The following PLXNB2 variants were observed in gnomAD, a reference collection of about 807,000 sequenced individuals.
The protein encoded by PLXNB2 is plexin B2.
A neutral mutation model predicts 202.6 loss-of-function variants in PLXNB2; 85 were observed. That is an observed-to-expected ratio of 0.42 (90% CI 0.35 to 0.50). The LOEUF is 0.50. Ranked by LOEUF, PLXNB2 falls within the 20% of genes least tolerant of loss-of-function variation. The pLI, the probability that PLXNB2 is intolerant of heterozygous loss-of-function variation, is 0.02. For missense variants in PLXNB2, 2,063 were observed against 2,586.2 expected, an observed-to-expected ratio of 0.80 and a Z score of 4.39; for synonymous variants, 1,239 against 1,137.6, an observed-to-expected ratio of 1.09 and a Z score of -1.79.
In PLXNB2 at chr22:50,291,452, T is replaced by C. The variant is rs2066863006; in HGVS notation, c.-13-855A>G. On this transcript the variant is annotated intron_variant, in intron 2 of 36. Transcript: ENST00000359337. This position sits in a 1 kb window ranked among gnomAD's most constrained non-coding sequence, Gnocchi z 4.3. ...TCTCGGTGTGGGGTCTGTGCCTGGGTCCGGGTGGATGAGGGGGATGTGTGG... is the reference window on the plus strand; with the variant it reads ...TCTCGGTGTGGGGTCTGTGCCTGGGCCCGGGTGGATGAGGGGGATGTGTGG... 6.6e-6 allele frequency among the ~76,000 whole-genome samples: 1 copy of C among 151,542 alleles called. No individual in the cohort carries two copies. Among genetic ancestry groups the C allele is most frequent in the Admixed American group, 6.6e-5 (1 of 15,222 alleles).
chr22:50,278,056 C>T (rs1359395509), intron 31 of PLXNB2, 43 bp from the exon 32 acceptor site: 3 of 1,603,326 alleles, frequency 1.9e-6, no homozygotes, highest in Admixed American at 1.7e-5. Flanking sequence ...GGGCGCGGCT[C>T]CTGGGGGGGA....
In PLXNB2 at chr22:50,283,084, C is replaced by T. The variant is rs769779572; in HGVS notation, c.2782G>A (p.Val928Met). 50 of 1,609,058 alleles carry T rather than the reference C, an allele frequency of 3.1e-5. No homozygotes were observed. Among genetic ancestry groups the T allele is most frequent in the East Asian group, 1.1e-4 (5 of 44,704 alleles). Residue 928 changes from valine (V) to methionine (M), a missense_variant, in exon 17 of 37, where the codon GTG (valine) becomes ATG (methionine). Physicochemically the swap from Val to Met is conservative, Grantham distance 21. This residue lies in a region of PLXNB2 where 1,303 missense variants were observed against 1,476.8 expected (regional missense o/e 0.88). Coordinates refer to ENST00000359337, the MANE Select transcript of PLXNB2 (RefSeq NM_012401.4). ...GGGACGCCGTTGAGGGTCACCCGCA[C>T]GTCCTCCTGGGAGCCCGTGTCCAGG... ...THLDTGSQED[V>M]RVTLNGVPCK...
intron 2 of PLXNB2, among the ~76,000 whole-genome samples, chr22:50,293,756 C>T (rs1216461449): frequency 1.3e-5 from 2 of 152,242 alleles, no homozygotes; most frequent in Admixed American, 1.3e-4. Flanking sequence ...CAAGCCACCC[C>T]TCAGCCGTCC....
At position 50,284,651 on chromosome 22, in the gene PLXNB2, G is replaced by T; in HGVS notation, c.2103C>A (p.His701Gln). 6.2e-7 allele frequency: 1 copy of T among 1,612,456 alleles called. No individual in the cohort carries two copies. The highest frequency in any genetic ancestry group is 1.7e-5 in the Admixed American group (1 of 59,988). The change falls in exon 12 of 37, where the codon CAC (histidine) becomes CAA (glutamine). Residue 701 changes from histidine (H) to glutamine (Q), a missense_variant. His to Gln is a conservative substitution (Grantham distance 24, BLOSUM62 0). This residue lies in a region of PLXNB2 where 1,303 missense variants were observed against 1,476.8 expected (regional missense o/e 0.88). Coordinates refer to ENST00000359337, the MANE Select transcript of PLXNB2 (RefSeq NM_012401.4). This position sits in a 1 kb window ranked among gnomAD's most constrained non-coding sequence, Gnocchi z 8.0. ...TGAACTTGAGCAAGTCACTGCCCACGTGCAGGGAGGAACCCTGCAGACCAT... is the reference window on the plus strand; with the variant it reads ...TGAACTTGAGCAAGTCACTGCCCACTTGCAGGGAGGAACCCTGCAGACCAT... ...NLDTVKGSSL[H>Q]VGSDLLKFME...
At position 50,277,056 on chromosome 22, in the gene PLXNB2, T is replaced by C. The variant is rs1048982337; in HGVS notation, c.5197-150A>G. 173 of 633,496 alleles carry C rather than the reference T, an allele frequency of 2.7e-4. 1 individual carries two copies. The South Asian group carries it at 2.9e-3, about 11-fold the overall frequency. The allele number at this position is 633,496 out of a possible 1,614,324, so 39.2% of individuals were successfully genotyped here. On this transcript the variant is annotated intron_variant, in intron 33 of 36. Coordinates refer to ENST00000359337, the MANE Select transcript of PLXNB2 (RefSeq NM_012401.4). ...GCGCAGTGGCTCAGGCCTGTAATCC[T>C]AGCACTTTGGGAGGCTGAGGCAGGC...
At position 50,288,078 on chromosome 22, in the gene PLXNB2, G is replaced by C. The variant is rs1303531807; in HGVS notation, c.1381-41C>G. 5.5e-6 allele frequency: 8 copies of C among 1,452,256 alleles called. No homozygotes were observed. The South Asian group carries it at 9.8e-5, about 18-fold the overall frequency. The allele number at this position is 1,452,256 out of a possible 1,614,324, so 90.0% of individuals were successfully genotyped here. ...CGTGAGTGGGACCACAGCAGAGGCC[G>C]CACGGGCCTTCCGCAGACCCCAGAT... On this transcript the variant is annotated intron_variant, in intron 5 of 36. Coordinates refer to ENST00000359337, the MANE Select transcript of PLXNB2 (RefSeq NM_012401.4). The surrounding 1 kb of genome is among the most constrained non-coding windows in gnomAD (Gnocchi z 5.0).
Position 50,276,700 on chromosome 22 carries a change from A to C in PLXNB2, c.5266T>G (p.Tyr1756Asp). ...STYKKMVEDY[Y>D]KGIRQMVQVS... Reference sequence around the variant, plus strand: ...TGCACCATCTGCCGGATCCCCTTGTAGTAACTGCAGGGGTGGGAGCATCAT... The same window carrying C: ...TGCACCATCTGCCGGATCCCCTTGTCGTAACTGCAGGGGTGGGAGCATCAT... The change falls in exon 35 of 37, where the codon TAC (tyrosine) becomes GAC (aspartate). Residue 1756 changes from tyrosine (Y) to aspartate (D), a missense_variant. This residue lies in a region of PLXNB2 where 760 missense variants were observed against 1,109.4 expected (regional missense o/e 0.69). Coordinates refer to ENST00000359337, the MANE Select transcript of PLXNB2 (RefSeq NM_012401.4). The C allele has an allele frequency of 6.2e-7, 1 of 1,613,070 alleles. No individual in the cohort carries two copies. Among genetic ancestry groups the C allele is most frequent in the Non-Finnish European group, 8.5e-7 (1 of 1,179,362 alleles).
At chr22:50,281,828 G>C in intron 20 of PLXNB2, 26 bp downstream of exon 20, 4 of 1,599,984 alleles carry the variant, frequency 2.5e-6, no homozygotes, top group Non-Finnish European at 3.4e-6. Flanking sequence ...GCAGGACCCA[G>C]ACACCCGGGG....
At position 50,288,603 on chromosome 22, in the gene PLXNB2, C is replaced by T; in HGVS notation, c.1380+140G>A. On this transcript the variant is annotated intron_variant, in intron 5 of 36. Coordinates refer to ENST00000359337, the MANE Select transcript of PLXNB2 (RefSeq NM_012401.4). This position sits in a 1 kb window ranked among gnomAD's most constrained non-coding sequence, Gnocchi z 5.0. ...CACTGCCCGGGACCCACCCAGCCACCCCTCATCCAGACCAAGGAGAAGGGC... is the reference window on the plus strand; with the variant it reads ...CACTGCCCGGGACCCACCCAGCCACTCCTCATCCAGACCAAGGAGAAGGGC... The T allele has an allele frequency of 8.3e-7, 1 of 1,200,144 alleles. No individual in the cohort carries two copies. The highest frequency in any genetic ancestry group is 1.1e-6 in the Non-Finnish European group (1 of 871,432). The allele number at this position is 1,200,144 out of a possible 1,614,324, so 74.3% of individuals were successfully genotyped here.
At position 50,286,220 on chromosome 22, in the gene PLXNB2, G is replaced by A. The variant is rs1198357039; in HGVS notation, c.1830C>T (p.Tyr610=). The A allele has an allele frequency of 1.9e-6, 3 of 1,613,160 alleles. No homozygotes were observed. Among genetic ancestry groups the A allele is most frequent in the South Asian group, 1.1e-5 (1 of 91,088 alleles). Residue 610 remains tyrosine (Y), a synonymous_variant, in exon 9 of 37, where the codon TAC becomes TAT. Coordinates refer to ENST00000359337, the MANE Select transcript of PLXNB2 (RefSeq NM_012401.4). ...RGNIFLTSYQ[Y]PFYDCRQAMS... ...TGGCCTGGCGGCAGTCGTAGAAGGG[G>A]TACTGGTAGGACGTGAGGAAGATGT...
In PLXNB2 at chr22:50,287,144, G is replaced by A; in HGVS notation, c.1729C>T (p.Pro577Ser). 6.5e-7 allele frequency: 1 copy of A among 1,542,530 alleles called. No homozygotes were observed. Among genetic ancestry groups the A allele is most frequent in the Non-Finnish European group, 8.8e-7 (1 of 1,142,830 alleles). The change falls in exon 8 of 37, where the codon CCA (proline) becomes TCA (serine). Residue 577 changes from proline to serine, a missense_variant. Pro to Ser is a moderately conservative substitution (Grantham distance 74). Coordinates refer to ENST00000359337, the MANE Select transcript of PLXNB2 (RefSeq NM_012401.4). ...VEGEAVICNS[P>S]SSIPVTPPGQ... ...GGCGGTGTGACGGGGATGCTGCTTG[G>A]GGAGTTGCAGATGACGGCCTCGCCC...
rs755264263 is a variant in PLXNB2 at position 50,290,372 on chromosome 22, C to T, written c.213G>A (p.Pro71=). Residue 71 remains proline (P), a synonymous_variant, in exon 3 of 37, where the codon CCG becomes CCA. Transcript: ENST00000359337. The part of the protein sequence containing the change: ...LQLEQQVATG[P]ALDNKKCTPP... ...GCGTGCACTTCTTGTTGTCCAGGGC[C>T]GGGCCCGTGGCCACCTGCTGCTCCA... 3.5e-5 allele frequency: 56 copies of T among 1,612,728 alleles called. No homozygotes were observed. Among genetic ancestry groups the T allele is most frequent in the South Asian group, 2.3e-4 (21 of 91,084 alleles).
chr22:50,281,392 C>G lies in PLXNB2; in HGVS notation c.3630G>C (p.Val1210=), dbSNP rs1347774652. 13 of 1,612,270 alleles carry G rather than the reference C, an allele frequency of 8.1e-6. No individual in the cohort carries two copies. Among genetic ancestry groups the G allele is most frequent in the Non-Finnish European group, 1.0e-5 (12 of 1,179,788 alleles). The change falls in exon 22 of 37, where the codon GTG becomes GTC. Residue 1210 remains valine (V), a synonymous_variant. Coordinates refer to ENST00000359337, the MANE Select transcript of PLXNB2 (RefSeq NM_012401.4). ...AGTAGACAGACACCGCGATGACGAC[C>G]ACCATGGGCACGATGACCAGCGGCA... ...LILPLVIVPM[V]VVIAVSVYCY... is the part of the protein sequence containing the mutation.
At chr22:50,293,606 C>T (rs945391763) in intron 2 of PLXNB2, among the ~76,000 whole-genome samples, 3 of 152,222 alleles carry the variant, frequency 2.0e-5, no homozygotes, top group South Asian at 2.1e-4. Flanking sequence ...GGAATGCGCC[C>T]GCAGCTGGGA....
In PLXNB2 at chr22:50,284,982, C is replaced by A; in HGVS notation, c.2089-317G>T. The A allele has an allele frequency of 2.0e-6, 1 of 493,474 alleles. No individual in the cohort carries two copies. The allele number at this position is 493,474 out of a possible 1,614,324, so 30.6% of individuals were successfully genotyped here. A position where few individuals can be genotyped will look rare whatever the true frequency, so the allele number is the denominator to read the frequency against. ...CTCCCTCCTCAGGAGGTGGCACTGG[C>A]CCCTCAATCTCCACACGCCTGCCTC... On this transcript the variant is annotated intron_variant, in intron 11 of 36. Transcript: ENST00000359337. This position sits in a 1 kb window ranked among gnomAD's most constrained non-coding sequence, Gnocchi z 8.0.
At chr22:50,306,234 A>AC (rs1295163546) in intron 1 of PLXNB2, among the ~76,000 whole-genome samples, 8 of 151,706 alleles carry the variant, frequency 5.3e-5, no homozygotes, top group Non-Finnish European at 1.2e-4. Context: ...GGCCTCCCAG[A>AC]CCCCCCGGGA....
Position 50,289,818 on chromosome 22 carries a change from T to C in PLXNB2, c.767A>G (p.Tyr256Cys). ...LARMCREDPNYYSYLEMDLQC... is the reference protein window; with the variant it reads ...LARMCREDPNCYSYLEMDLQC... ...CAGGTCCATCTCCAGGTAGGAGTAGTAGTTGGGGTCTTCTCTGCACATGCG... is the reference window on the plus strand; with the variant it reads ...CAGGTCCATCTCCAGGTAGGAGTAGCAGTTGGGGTCTTCTCTGCACATGCG... The change falls in exon 3 of 37, where the codon TAC becomes TGC. Residue 256 changes from tyrosine (Y) to cysteine (C), a missense_variant. By Grantham distance (194) the Tyr-to-Cys change is radical. Transcript: ENST00000359337. This position sits in a 1 kb window ranked among gnomAD's most constrained non-coding sequence, Gnocchi z 8.0. The C allele has an allele frequency of 6.2e-7, 1 of 1,613,204 alleles. No individual in the cohort carries two copies. Among genetic ancestry groups the C allele is most frequent in the South Asian group, 1.1e-5 (1 of 91,086 alleles).
chr22:50,278,712 G>A lies in PLXNB2; in HGVS notation c.4547-16C>T, dbSNP rs1196258218. ...GGACGCCACTCTGTGGGAAGAGACA[G>A]CCCAGCTTGGGCCCCAGCCACCCAG... On this transcript the variant is annotated splice_polypyrimidine_tract_variant and intron_variant, in intron 28 of 36. Transcript: ENST00000359337. 6.2e-7 allele frequency: 1 copy of A among 1,602,552 alleles called. No homozygotes were observed.
rs374627819 is a variant in PLXNB2 at position 50,281,964 on chromosome 22, G to A, written c.3235C>T (p.Arg1079Cys). ...LTVLIEMDGHRALLRTEAGAF... is the reference protein window; with the variant it reads ...LTVLIEMDGHCALLRTEAGAF... ...CCGGCCTCTGTTCTGAGCAGGGCAC[G>A]GTGCCCGTCCATCTCGATCAGCACC... The change falls in exon 20 of 37, where the codon CGT (arginine) becomes TGT (cysteine). Residue 1079 changes from arginine to cysteine, a missense_variant. This residue lies in a region of PLXNB2 where 760 missense variants were observed against 1,109.4 expected (regional missense o/e 0.69). Coordinates refer to ENST00000359337, the MANE Select transcript of PLXNB2 (RefSeq NM_012401.4). 7.4e-6 allele frequency: 12 copies of A among 1,613,066 alleles called. No homozygotes were observed. Among genetic ancestry groups the A allele is most frequent in the East Asian group, 4.5e-5 (2 of 44,882 alleles).
Sources: gnomAD v4.1 joint callset for allele counts (sites outside exome capture counted in the v4.1 genomes callset) on GRCh38, gnomAD v4.1.1 for gene constraint, gnomAD v4.1.1 regional missense constraint, Gnocchi (gnomAD v3.1) non-coding constraint, MANE v1.5 for transcripts, NCBI Gene and HGNC (gene_info 2026-07-23, HGNC 2026-07-21) for gene names.